Variants in PDE1A observed in about 807,000 individuals in gnomAD.
The protein encoded by PDE1A is phosphodiesterase 1A.
PDE1A carries 35 observed loss-of-function variants against 61.7 expected under a neutral mutation model. The observed-to-expected ratio is 0.57, with a 90% CI of 0.43 to 0.75. The LOEUF (loss-of-function observed/expected upper bound fraction) is 0.75. PDE1A is among the 30% of genes least tolerant of loss of function. The pLI is 0.00. For missense variants in PDE1A, 597 were observed against 630.6 expected (o/e 0.95, Z 0.57); for synonymous variants, 232 against 213.2 (o/e 1.09, Z -0.77).
At chr2:182,658,073 C>CAAA in the PDE1A span, among the ~76,000 whole-genome samples, 5 of 119,568 alleles carry the variant, frequency 4.2e-5, no homozygotes, top group East Asian at 5.0e-4. Context: ...AAAAAAAAAA[C>CAAA]AAAAAAACTT....
intron 1 of PDE1A, among the ~76,000 whole-genome samples, chr2:182,356,169 G>A (rs1482597443): frequency 1.3e-5 from 2 of 152,154 alleles, no homozygotes; most frequent in Admixed American, 6.5e-5. Flanking sequence ...TTAAAGTGGT[G>A]TGCAGTGGCT....
chr2:182,253,498 T>C (rs1397308976), intron 2 of PDE1A, among the ~76,000 whole-genome samples: 2 of 152,158 alleles, frequency 1.3e-5, no homozygotes, highest in African/African-American at 2.4e-5. Flanking sequence ...CCCAGAAGCA[T>C]GACACCCTTC....
the PDE1A span, among the ~76,000 whole-genome samples, chr2:182,625,491 T>C: frequency 3.4e-3 from 516 of 152,334 alleles, 5 homozygotes; most frequent in Admixed American, 7.6e-3. Context: ...GGCACTTGCC[T>C]ACATGCAGAG....
intron 2 of PDE1A, among the ~76,000 whole-genome samples, chr2:182,438,214 T>C (rs1459988602): frequency 6.6e-6 from 1 of 151,880 alleles, no homozygotes; most frequent in Non-Finnish European, 1.5e-5. Context: ...AATATGAGCA[T>C]TTCATCTTGT....
At chr2:182,669,648 TTC>T in the PDE1A span, among the ~76,000 whole-genome samples, 5 of 152,244 alleles carry the variant, frequency 3.3e-5, no homozygotes, top group African/African-American at 4.8e-5. Flanking sequence ...TCGTCATTAA[TTC>T]TGTTTATAAT....
the PDE1A span, among the ~76,000 whole-genome samples, chr2:182,649,447 C>T: frequency 6.6e-6 from 1 of 151,780 alleles, no homozygotes; most frequent in Non-Finnish European, 1.5e-5. Flanking sequence ...GCAGGTAAAC[C>T]TTGTTCAATC....
chr2:182,482,151 T>G (rs1687740282), intron 2 of PDE1A, among the ~76,000 whole-genome samples: 1 of 151,868 alleles, frequency 6.6e-6, no homozygotes, highest in Non-Finnish European at 1.5e-5. Context: ...CAAAATTGAT[T>G]AAGCGCAATA....
At chr2:182,473,737 G>T (rs529957561) in intron 2 of PDE1A, among the ~76,000 whole-genome samples, 1 of 152,022 alleles carries the variant, frequency 6.6e-6, no homozygotes, top group African/African-American at 2.4e-5. Flanking sequence ...GAGAACATCA[G>T]GTATTTGGTT....
intron 2 of PDE1A, among the ~76,000 whole-genome samples, chr2:182,457,672 G>GT (rs1345001059): frequency 6.6e-6 from 1 of 152,014 alleles, no homozygotes; most frequent in Non-Finnish European, 1.5e-5. Context: ...TCATTCTTAT[G>GT]TAAGTAAATT....
downstream of PDE1A, among the ~76,000 whole-genome samples, chr2:182,163,065 GGT>G (rs1691473860): frequency 6.6e-6 from 1 of 152,100 alleles, no homozygotes; most frequent in Non-Finnish European, 1.5e-5. Flanking sequence ...ATGCAGAGGT[GGT>G]GATTTTCACC....
intron 2 of PDE1A, among the ~76,000 whole-genome samples, chr2:182,474,501 T>G (rs1420372797): frequency 6.6e-6 from 1 of 151,882 alleles, no homozygotes; most frequent in Non-Finnish European, 1.5e-5. Flanking sequence ...CATGTGATCT[T>G]GATCAAGCCA....
the PDE1A span, among the ~76,000 whole-genome samples, chr2:182,677,415 C>A: frequency 2.0e-5 from 3 of 152,142 alleles, no homozygotes; most frequent in Non-Finnish European, 4.4e-5. Flanking sequence ...ATAACACAAA[C>A]AAATGGAAAA....
chr2:182,376,380 T>C (rs1215933832), intron 1 of PDE1A, among the ~76,000 whole-genome samples: 6 of 152,130 alleles, frequency 3.9e-5, no homozygotes, highest in African/African-American at 1.4e-4. Context: ...TCCAAAAAAC[T>C]CTAGGGAAGG....
chr2:182,613,891 G>T, the PDE1A span, among the ~76,000 whole-genome samples: 1 of 152,158 alleles, frequency 6.6e-6, no homozygotes, highest in Non-Finnish European at 1.5e-5. Context: ...GTCAATATTA[G>T]ATCATGCCAC....
intron 2 of PDE1A, among the ~76,000 whole-genome samples, chr2:182,477,666 C>A (rs1344148729): frequency 6.6e-6 from 1 of 151,920 alleles, no homozygotes; most frequent in Non-Finnish European, 1.5e-5. Context: ...TATTTAATTT[C>A]ATGCCACAAA....
the PDE1A span, among the ~76,000 whole-genome samples, chr2:182,620,191 A>G: frequency 6.6e-6 from 1 of 152,106 alleles, no homozygotes; most frequent in African/African-American, 2.4e-5. Context: ...TTCTTTATTT[A>G]ATAAATAACA....
chr2:182,387,995 T>A (rs1559407624), intron 1 of PDE1A, among the ~76,000 whole-genome samples: 1 of 151,892 alleles, frequency 6.6e-6, no homozygotes, highest in Non-Finnish European at 1.5e-5. Context: ...AAAAAGATAT[T>A]CCATGGAAAT....
chr2:182,329,896 C>T (rs1697291019), intron 1 of PDE1A, among the ~76,000 whole-genome samples: 2 of 152,240 alleles, frequency 1.3e-5, no homozygotes, highest in South Asian at 4.1e-4. Flanking sequence ...GGGTTGTTTT[C>T]TGTTTTGTTT....
the PDE1A span, among the ~76,000 whole-genome samples, chr2:182,694,466 G>A: frequency 1.2e-4 from 19 of 152,214 alleles, no homozygotes; most frequent in Middle Eastern, 3.4e-3. Context: ...CTACAGAAGC[G>A]GTAACGAAGC....
Sources: gnomAD v4.1 joint callset for allele counts (sites outside exome capture counted in the v4.1 genomes callset) on GRCh38, gnomAD v4.1.1 for gene constraint, MANE v1.5 for transcripts, NCBI Gene and HGNC (gene_info 2026-07-23, HGNC 2026-07-21) for gene names.